Variants in RUVBL1 observed in about 807,000 individuals in gnomAD.
The protein encoded by RUVBL1 is RuvB like AAA ATPase 1, also known as ruvB-like 1.
In RUVBL1, 4 loss-of-function variants were observed where a neutral mutation model predicts 52.4. The ratio of observed to expected loss-of-function variants is 0.08; its 90% confidence interval spans 0.04 to 0.17. RUVBL1 has a LOEUF of 0.17. Among genes scored for constraint, RUVBL1 ranks in the 10% least tolerant of loss-of-function variants. The probability of loss-of-function intolerance (pLI) is 1.00; values close to 1 mark genes in which losing one functional copy is unlikely to be tolerated. For missense variants in RUVBL1, 298 were observed against 572.8 expected (o/e 0.52, Z 4.90); for synonymous variants, 217 against 214.4 (o/e 1.01, Z -0.10).
downstream of RUVBL1, among the ~76,000 whole-genome samples, chr3:128,077,074 G>T (rs1006878105): frequency 6.6e-6 from 1 of 151,786 alleles, no homozygotes. Context: ...CATTGATCGC[G>T]CCGGGCCCCT....
intron 9 of RUVBL1, among the ~76,000 whole-genome samples, chr3:128,069,204 ATT>A (rs2107654247): frequency 6.6e-6 from 1 of 152,336 alleles, no homozygotes; most frequent in South Asian, 2.1e-4. Flanking sequence ...ATGATGAAAT[ATT>A]TTACATCCTT....
At chr3:128,099,383 C>T (rs542522225) in intron 6 of RUVBL1, among the ~76,000 whole-genome samples, 10 of 152,332 alleles carry the variant, frequency 6.6e-5, no homozygotes, top group African/African-American at 1.9e-4. Context: ...TGACCCTAAC[C>T]GGACTCAGGA....
At chr3:128,142,368 G>C (rs759341434) in intron 1 of RUVBL1, among the ~76,000 whole-genome samples, 9 of 152,162 alleles carry the variant, frequency 5.9e-5, no homozygotes, top group Non-Finnish European at 8.8e-5. Context: ...GTGGTCCTGG[G>C]TCTAGGATGT....
chr3:128,065,327 A>G, intron 9 of RUVBL1: 1 of 589,964 alleles, frequency 1.7e-6, no homozygotes, highest in Non-Finnish European at 3.0e-6. Flanking sequence ...TCTTAGTTCA[A>G]GAGAAGCAAA....
rs768128720 is a variant in RUVBL1, at chr3:128,100,653, T to C, written c.695A>G (p.Lys232Arg). Residue 232 changes from lysine to arginine, a missense_variant, in exon 6 of 11, where the codon AAA becomes AGA. Around this residue, in one of 5 missense-constraint regions of RUVBL1, gnomAD observed 161 missense variants for 298.3 expected, o/e 0.54. Transcript: ENST00000322623. Reference sequence around the variant, plus strand: ...CAAGGTCACATCTTGGATGATTTCTTTCTTTTTGTGCACATCCCCTTTTGG... The same window carrying C: ...CAAGGTCACATCTTGGATGATTTCTCTCTTTTTGTGCACATCCCCTTTTGG... ...PLPKGDVHKK[K>R]EIIQDVTLHD... The C allele has an allele frequency of 1.2e-6, 2 of 1,613,602 alleles. No homozygotes were observed. The highest frequency in any genetic ancestry group is 2.2e-5 in the South Asian group (2 of 90,962).
chr3:128,088,637 C>T (rs1268791586), intron 8 of RUVBL1, among the ~76,000 whole-genome samples: 1 of 151,224 alleles, frequency 6.6e-6, no homozygotes, highest in Non-Finnish European at 1.5e-5. Context: ...GGGTCTTGTT[C>T]TGTGGCCCAG....
chr3:128,097,545 G>A (rs1943012095), intron 7 of RUVBL1, 47 bp from the exon 8 acceptor site: 2 of 1,549,958 alleles, frequency 1.3e-6, no homozygotes, highest in East Asian at 4.5e-5. Flanking sequence ...AGGGCTGGGG[G>A]AGACTATCGC....
At position 128,113,037 on chromosome 3, in the gene RUVBL1, C is replaced by T. The variant is rs749101198; in HGVS notation, c.229-17G>A. On this transcript the variant is annotated splice_polypyrimidine_tract_variant and intron_variant, in intron 2 of 10. Transcript: ENST00000322623. The stretch of plus-strand genomic sequence containing the variant: ...CAGAGCTGTCTACAAAAGAAAGCAA[C>T]GGAAACACAGTTCACAGTCCTGAAA... The T allele has an allele frequency of 6.8e-6, 11 of 1,611,860 alleles. No homozygotes were observed. Among genetic ancestry groups the T allele is most frequent in the Middle Eastern group, 1.6e-4 (1 of 6,076 alleles).
At chr3:128,151,195 C>G (rs1235965865) in intron 1 of RUVBL1, among the ~76,000 whole-genome samples, 1 of 131,136 alleles carries the variant, frequency 7.6e-6, no homozygotes, top group African/African-American at 2.9e-5. Context: ...TATATATACT[C>G]TATATATTCT....
intron 1 of RUVBL1, among the ~76,000 whole-genome samples, chr3:128,120,784 C>A (rs906751585): frequency 6.6e-6 from 1 of 152,040 alleles, no homozygotes; most frequent in Non-Finnish European, 1.5e-5. Context: ...CCATGCCTAG[C>A]TAATTTCTTG....
chr3:128,087,700 G>A lies in RUVBL1; in HGVS notation c.1119+6C>T, dbSNP rs758965970. ...AAGAGAGCAGGAGGGAAGAAGGGAGGCTCACCTGTTTCATTTCCTGTGGAG... is the reference window on the plus strand; with the variant it reads ...AAGAGAGCAGGAGGGAAGAAGGGAGACTCACCTGTTTCATTTCCTGTGGAG... On this transcript the variant is annotated splice_donor_region_variant and intron_variant, in intron 9 of 10. Transcript: ENST00000322623. 25 of 1,606,864 alleles carry A rather than the reference G, an allele frequency of 1.6e-5. No homozygotes were observed. The highest frequency in any genetic ancestry group is 2.0e-5 in the Non-Finnish European group (24 of 1,174,202).
intron 3 of RUVBL1, among the ~76,000 whole-genome samples, chr3:128,112,474 C>T (rs748444871): frequency 1.3e-5 from 2 of 152,222 alleles, no homozygotes; most frequent in African/African-American, 2.4e-5. Flanking sequence ...CACTCTATGA[C>T]AGGCCACAAC....
chr3:128,067,722 C>T lies in RUVBL1; in HGVS notation c.940-2502G>A, dbSNP rs1942026900. 7 of 928,352 alleles carry T rather than the reference C, an allele frequency of 7.5e-6. No individual in the cohort carries two copies. The highest frequency in any genetic ancestry group is 2.5e-5 in the East Asian group (1 of 39,952). 57.5% of individuals were successfully genotyped at this position (928,352 alleles called of 1,614,324 possible). ...TGGTCTGTGACGTGTGCAGATAGAT[C>T]GTCGTCCTTTAGGGGGCAGTTCAGA... On this transcript the variant is annotated intron_variant, in intron 9 of 9. Transcript: ENST00000464873. This position sits in a 1 kb window ranked among gnomAD's most constrained non-coding sequence, Gnocchi z 4.1.
intron 1 of RUVBL1, among the ~76,000 whole-genome samples, chr3:128,135,823 G>A (rs866140345): frequency 2.6e-5 from 4 of 152,188 alleles, no homozygotes; most frequent in African/African-American, 7.2e-5. Flanking sequence ...CACTGTAATT[G>A]TGGTGTGTAA....
intron 1 of RUVBL1, among the ~76,000 whole-genome samples, chr3:128,149,624 C>T (rs1559840621): frequency 2.0e-5 from 3 of 152,216 alleles, no homozygotes; most frequent in Admixed American, 6.5e-5. Context: ...AGACTACTTT[C>T]CTTGGGGCCC....
chr3:128,073,614 C>T (rs1031282434), intron 9 of RUVBL1, among the ~76,000 whole-genome samples: 4 of 152,232 alleles, frequency 2.6e-5, no homozygotes, highest in Non-Finnish European at 5.9e-5. Flanking sequence ...TCCCCTGCCC[C>T]AATCCCTTCT....
chr3:128,144,057 C>T (rs527850806), intron 1 of RUVBL1, among the ~76,000 whole-genome samples: 12 of 152,254 alleles, frequency 7.9e-5, no homozygotes, highest in South Asian at 6.2e-4. Context: ...TTCCTTGACC[C>T]GTGGCTAAAT....
At chr3:128,146,659 G>A (rs565854658) in intron 1 of RUVBL1, among the ~76,000 whole-genome samples, 23 of 150,982 alleles carry the variant, frequency 1.5e-4, no homozygotes, top group South Asian at 6.3e-4. Flanking sequence ...TGTCTCATGC[G>A]TGTGCACATG....
chr3:128,082,593 CATG>C lies in RUVBL1; in HGVS notation c.1120-22_1120-20del. ...TAATGATCTTTTAAAGGATAAAAAA[CATG>C]ATCAACGGTGACTGACCTCAAGTGC... On this transcript the variant is annotated intron_variant, in intron 9 of 10. Coordinates refer to ENST00000322623, the MANE Select transcript of RUVBL1 (RefSeq NM_003707.3). The surrounding 1 kb of genome is among the most constrained non-coding windows in gnomAD (Gnocchi z 4.7). 1 of 1,592,162 alleles carries C rather than the reference CATG, an allele frequency of 6.3e-7. No homozygotes were observed. Among genetic ancestry groups the C allele is most frequent in the Non-Finnish European group, 8.6e-7 (1 of 1,163,832 alleles).
Sources: gnomAD v4.1 joint callset for allele counts (sites outside exome capture counted in the v4.1 genomes callset) on GRCh38, gnomAD v4.1.1 for gene constraint, gnomAD v4.1.1 regional missense constraint, Gnocchi (gnomAD v3.1) non-coding constraint, MANE v1.5 for transcripts, NCBI Gene and HGNC (gene_info 2026-07-23, HGNC 2026-07-21) for gene names.